The following AKNAD1 variants were observed in gnomAD, a reference collection of about 807,000 sequenced individuals.
AKNAD1 encodes the protein protein AKNAD1.
Under a neutral mutation model 90.8 loss-of-function variants are expected in AKNAD1, and 67 were observed. That is an observed-to-expected ratio of 0.74 (90% CI 0.61 to 0.90). AKNAD1 has a LOEUF of 0.90. Ranked by LOEUF, AKNAD1 falls within the 40% of genes least tolerant of loss-of-function variation. AKNAD1 has a pLI of 0.00. For synonymous variants in AKNAD1, 327 were observed against 341.4 expected (o/e 0.96, Z 0.46); for missense variants, 957 against 975.4 (o/e 0.98, Z 0.25).
In AKNAD1 at chr1:108,852,251, A is replaced by G. The variant is rs1402712576; in HGVS notation, c.414T>C (p.Asn138=). Residue 138 remains asparagine (N), a synonymous_variant, in exon 2 of 16, where the codon AAT becomes AAC. Coordinates refer to ENST00000370001, the MANE Select transcript of AKNAD1 (RefSeq NM_152763.5). ...IDCETLPEIS[N]ADSFEEEAII... ...TAGCTTCCTCTTCAAAACTGTCGGC[A>G]TTTGAGATCTCTGGGAGGGTTTCAC... is the stretch of plus-strand genomic sequence containing the variant. The G allele has an allele frequency of 6.2e-7, 1 of 1,613,900 alleles. No homozygotes were observed. Among genetic ancestry groups the G allele is most frequent in the Admixed American group, 1.7e-5 (1 of 59,980 alleles).
chr1:108,856,081 G>A (rs1277012765), intron 1 of AKNAD1, among the ~76,000 whole-genome samples: 3 of 151,588 alleles, frequency 2.0e-5, no homozygotes, highest in Non-Finnish European at 4.4e-5. Context: ...TCGAACTCCT[G>A]AGCACAAGTA....
Position 108,817,063 on chromosome 1 carries a change from T to C in AKNAD1, c.2364A>G (p.Glu788=), listed in dbSNP as rs778137335. 2.0e-5 allele frequency: 33 copies of C among 1,614,018 alleles called. No homozygotes were observed. In the African/African-American group the frequency reaches 3.6e-4, roughly 18 times the overall value. Residue 788 remains glutamate (E), a synonymous_variant, in exon 15 of 16, where the codon GAA becomes GAG. Coordinates refer to ENST00000370001, the MANE Select transcript of AKNAD1 (RefSeq NM_152763.5). ...SKSLCDFDST[E]EIKSEILNSA... is the part of the protein sequence containing the mutation. ...AAGTCCTCACCTCAGATTTTATTTC[T>C]TCAGTGCTATCAAAGTCACATAAGG...
intron 8 of AKNAD1, 61 bp downstream of exon 8, chr1:108,834,868 C>T (rs2101187208): frequency 6.7e-7 from 1 of 1,493,922 alleles, no homozygotes; most frequent in South Asian, 1.4e-5. Context: ...CTGGAGGCTG[C>T]ATGAGGAAGG....
rs11102506 is a variant in AKNAD1 at position 108,827,175 on chromosome 1, T to A, written c.1936+30A>T. 1.9e-6 allele frequency: 3 copies of A among 1,561,228 alleles called. No homozygotes were observed. The South Asian group carries it at 3.4e-5, about 18-fold the overall frequency. ...CCCCATGGGGAGGGACACTGAAAAA[T>A]GAGCACCCAGCCCAAGCCCATCAAC... is the stretch of plus-strand genomic sequence containing the variant. On this transcript the variant is annotated intron_variant, in intron 11 of 15. Coordinates refer to ENST00000370001, the MANE Select transcript of AKNAD1 (RefSeq NM_152763.5).
intron 10 of AKNAD1, among the ~76,000 whole-genome samples, chr1:108,830,079 G>C (rs963521070): frequency 6.6e-6 from 1 of 152,152 alleles, no homozygotes; most frequent in Non-Finnish European, 1.5e-5. Context: ...GGGCTCAGGT[G>C]AAACCCAACA....
intron 5 of AKNAD1, among the ~76,000 whole-genome samples, chr1:108,847,081 G>C (rs1570823858): frequency 6.6e-6 from 1 of 152,010 alleles, no homozygotes; most frequent in South Asian, 2.1e-4. Flanking sequence ...TTGTTACCTG[G>C]ATTCTGGCTT....
At chr1:108,837,345 G>C (rs1664417319) in intron 7 of AKNAD1, 1 of 517,746 alleles carries the variant, frequency 1.9e-6, no homozygotes, top group African/African-American at 1.9e-5. Context: ...AAACTATAAA[G>C]ATGTTTCAAA....
At chr1:108,827,800 C>T (rs1183941287) in intron 10 of AKNAD1, among the ~76,000 whole-genome samples, 2 of 120,442 alleles carry the variant, frequency 1.7e-5, no homozygotes, top group Non-Finnish European at 3.3e-5. Context: ...GGTGACAGAG[C>T]GAGACTCCTA....
intron 1 of AKNAD1, among the ~76,000 whole-genome samples, chr1:108,855,195 C>CTT: frequency 6.6e-6 from 1 of 151,908 alleles, no homozygotes; most frequent in Non-Finnish European, 1.5e-5. Flanking sequence ...AGGTGGATCA[C>CTT]GAGGTCAAGA....
At chr1:108,841,895 T>C (rs992512333) in intron 6 of AKNAD1, among the ~76,000 whole-genome samples, 10 of 152,158 alleles carry the variant, frequency 6.6e-5, no homozygotes, top group Admixed American at 2.6e-4. Flanking sequence ...TAATTGCAGT[T>C]GAAGCTCTTT....
chr1:108,827,319 A>G lies in AKNAD1; in HGVS notation c.1839-17T>C, dbSNP rs370949868. On this transcript the variant is annotated splice_polypyrimidine_tract_variant and intron_variant, in intron 10 of 15. Transcript: ENST00000370001. ...TTTTGCTTCCTAAAAAAAGGTGCAT[A>G]AGATCCTGTAAACTTTTAGTGCATT... 3.3e-5 allele frequency: 52 copies of G among 1,569,340 alleles called. No individual in the cohort carries two copies. In the African/African-American group the frequency reaches 6.3e-4, roughly 19 times the overall value.
At chr1:108,847,822 A>G (rs1664744445) in intron 5 of AKNAD1, among the ~76,000 whole-genome samples, 1 of 152,054 alleles carries the variant, frequency 6.6e-6, no homozygotes, top group Non-Finnish European at 1.5e-5. Flanking sequence ...TCTCTGTAAC[A>G]TTTCTCCAGC....
At position 108,849,669 on chromosome 1, in the gene AKNAD1, G is replaced by A. The variant is rs112276497; in HGVS notation, c.994-93C>T. The A allele has an allele frequency of 6.0e-4, 554 of 927,014 alleles. 1 individual carries two copies. In the African/African-American group the frequency reaches 8.4e-3, roughly 14 times the overall value. The allele number at this position is 927,014 out of a possible 1,614,324, so 57.4% of individuals were successfully genotyped here. ...CCCAACATGTTCTGTCATCATAGAG[G>A]GAGCCCAGGTTTGCAGTCAAGAGCC... On this transcript the variant is annotated intron_variant, in intron 2 of 15. Transcript: ENST00000370001.
At position 108,830,558 on chromosome 1, in the gene AKNAD1, C is replaced by A. The variant is rs1378661944; in HGVS notation, c.1838+1G>T. ...GGAATGTAGCCACAAGAAGCCCTCA[C>A]CATTCAAGGAGCCTGCGACAGAAGG... On this transcript the variant is annotated splice_donor_variant, in intron 10 of 15. Coordinates refer to ENST00000370001, the MANE Select transcript of AKNAD1 (RefSeq NM_152763.5). LOFTEE classifies it high-confidence loss of function. The A allele has an allele frequency of 6.2e-7, 1 of 1,613,782 alleles. No individual in the cohort carries two copies. The highest frequency in any genetic ancestry group is 8.5e-7 in the Non-Finnish European group (1 of 1,179,978).
At chr1:108,822,798 C>T (rs1295802421) in intron 13 of AKNAD1, among the ~76,000 whole-genome samples, 1 of 152,166 alleles carries the variant, frequency 6.6e-6, no homozygotes, top group Non-Finnish European at 1.5e-5. Flanking sequence ...GAACTTACCC[C>T]ATTTTGCTTT....
intron 10 of AKNAD1, among the ~76,000 whole-genome samples, chr1:108,829,897 G>A (rs1360200778): frequency 6.6e-6 from 1 of 152,210 alleles, no homozygotes; most frequent in Non-Finnish European, 1.5e-5. Context: ...TCAAATAAAT[G>A]ATACTGAATC....
intron 10 of AKNAD1, among the ~76,000 whole-genome samples, chr1:108,829,158 T>C (rs1487638558): frequency 1.3e-5 from 2 of 151,900 alleles, no homozygotes; most frequent in Non-Finnish European, 2.9e-5. Flanking sequence ...TCAGGGATTA[T>C]GTAAGTTACA....
In AKNAD1 at chr1:108,834,496, G is replaced by T; in HGVS notation, c.1697C>A (p.Ala566Asp). The T allele has an allele frequency of 6.2e-7, 1 of 1,610,500 alleles. No homozygotes were observed. Reference sequence around the variant, plus strand: ...GGCCACTTGGTCTGGCTTGTTCTGGGCAGCTGCATCTCCATAATGACCGTT... The same window carrying T: ...GGCCACTTGGTCTGGCTTGTTCTGGTCAGCTGCATCTCCATAATGACCGTT... ...YLNGHYGDAA[A>D]QNKPDQVAMR... Residue 566 changes from alanine (A) to aspartate (D), a missense_variant, in exon 9 of 16, where the codon GCC becomes GAC. Ala to Asp is a moderately radical substitution (Grantham distance 126). Coordinates refer to ENST00000370001, the MANE Select transcript of AKNAD1 (RefSeq NM_152763.5).
Position 108,849,558 on chromosome 1 carries a change from T to C in AKNAD1, c.1012A>G (p.Ile338Val). Residue 338 changes from isoleucine (I) to valine (V), a missense_variant, in exon 3 of 16, where the codon ATC (isoleucine) becomes GTC (valine). Coordinates refer to ENST00000370001, the MANE Select transcript of AKNAD1 (RefSeq NM_152763.5). ...GTACCTGTGAGAAGTTCTTGGTGGATATGTACTATGGGCTCCATCTGCACA... is the reference window on the plus strand; with the variant it reads ...GTACCTGTGAGAAGTTCTTGGTGGACATGTACTATGGGCTCCATCTGCACA... The part of the protein sequence containing the change: ...QQIQMEPIVH[I>V]HQELLTGIES... 1 of 1,595,186 alleles carries C rather than the reference T, an allele frequency of 6.3e-7. No individual in the cohort carries two copies. The highest frequency in any genetic ancestry group is 8.6e-7 in the Non-Finnish European group (1 of 1,162,830).
Sources: gnomAD v4.1 joint callset for allele counts (sites outside exome capture counted in the v4.1 genomes callset) on GRCh38, gnomAD v4.1.1 for gene constraint, MANE v1.5 for transcripts, NCBI Gene and HGNC (gene_info 2026-07-23, HGNC 2026-07-21) for gene names.